CACNA1B: variants seen among roughly 807,000 people sequenced by gnomAD.
CACNA1B encodes voltage-dependent N-type calcium channel subunit alpha-1B.
Under a neutral mutation model 247.2 loss-of-function variants are expected in CACNA1B, and 70 were observed. The observed-to-expected ratio is 0.28, with a 90% CI of 0.23 to 0.35. CACNA1B has a LOEUF of 0.35. CACNA1B is among the 10% of genes least tolerant of loss of function. CACNA1B has a pLI of 1.00. For synonymous variants in CACNA1B, 1,231 were observed against 1,294.4 expected (o/e 0.95, Z 1.05); for missense variants, 2,367 against 3,197.4 (o/e 0.74, Z 6.26).
rs761796497 is a variant in CACNA1B at position 137,979,722 on chromosome 9, G to A, written c.1656+3703G>A. On this transcript the variant is annotated intron_variant, in intron 12 of 46. Coordinates refer to ENST00000371372, the MANE Select transcript of CACNA1B (RefSeq NM_000718.4). ...CATTACAGTATCAGCTCAAAATCCA[G>A]AATCTCATCCTCAGTTAGGTCCAGG... 3.9e-5 allele frequency among the ~76,000 whole-genome samples: 6 copies of A among 152,164 alleles called. No homozygotes were observed. In the East Asian group the frequency reaches 1.2e-3, roughly 29 times the overall value.
At chr9:137,994,796 C>G (rs1958476812) in intron 15 of CACNA1B, among the ~76,000 whole-genome samples, 2 of 152,188 alleles carry the variant, frequency 1.3e-5, no homozygotes, top group South Asian at 4.1e-4. Context: ...CAAAAGCAAT[C>G]TACAAATTCA....
At chr9:138,089,428 T>C (rs1960808364) in intron 36 of CACNA1B, among the ~76,000 whole-genome samples, 1 of 152,116 alleles carries the variant, frequency 6.6e-6, no homozygotes, top group African/African-American at 2.4e-5. Context: ...AACAATATTA[T>C]CATCTCAATA....
At chr9:137,948,878 G>GGT (rs925812197) in intron 6 of CACNA1B, among the ~76,000 whole-genome samples, 15 of 147,866 alleles carry the variant, frequency 1.0e-4, no homozygotes, top group Admixed American at 7.4e-4. Context: ...TAGTGTGTGT[G>GGT]GTGTGTGTGT....
rs1013660818 is a variant in CACNA1B, at chr9:137,919,684, G to C, written c.966+2253G>C. Among the ~76,000 whole-genome samples the C allele has an allele frequency of 2.0e-5, 3 of 152,240 alleles. No individual in the cohort carries two copies. The highest frequency in any genetic ancestry group is 7.2e-5 in the African/African-American group (3 of 41,472). ...AATGACATCTGGGTTCTTTGTGGGC[G>C]GAAGCCCACGGCCTGCAGTAGGGGT... is the stretch of plus-strand genomic sequence containing the variant. On this transcript the variant is annotated intron_variant, in intron 6 of 46. Transcript: ENST00000371372. The surrounding 1 kb of genome is among the most constrained non-coding windows in gnomAD (Gnocchi z 4.6).
Position 138,121,727 on chromosome 9 carries a change from C to T in CACNA1B, c.6748C>T (p.Pro2250Ser), listed in dbSNP as rs201272232. Residue 2250 changes from proline (P) to serine (S), a missense_variant, in exon 47 of 47, where the codon CCT becomes TCT. Pro to Ser is a moderately conservative substitution (Grantham distance 74). Around this residue, in one of 12 missense-constraint regions of CACNA1B, gnomAD observed 773 missense variants for 779.4 expected, o/e 0.99. Coordinates refer to ENST00000371372, the MANE Select transcript of CACNA1B (RefSeq NM_000718.4). The surrounding 1 kb of genome is among the most constrained non-coding windows in gnomAD (Gnocchi z 6.8). ...AGACCCCCTCAGCCAGCCCCTGGCCCCTGGCTCTCGAATTGGCTCTGACCC... is the reference window on the plus strand; with the variant it reads ...AGACCCCCTCAGCCAGCCCCTGGCCTCTGGCTCTCGAATTGGCTCTGACCC... ...QRDPLSQPLA[P>S]GSRIGSDPYL... 52 of 1,613,334 alleles carry T rather than the reference C, an allele frequency of 3.2e-5. No individual in the cohort carries two copies. Among genetic ancestry groups the T allele is most frequent in the Non-Finnish European group, 4.2e-5 (50 of 1,179,892 alleles).
chr9:138,113,651 T>G (rs1961743955), intron 40 of CACNA1B, among the ~76,000 whole-genome samples: 1 of 124,354 alleles, frequency 8.0e-6, no homozygotes. Flanking sequence ...CGCAGGAAGG[T>G]GCCCAACTCC....
At chr9:138,048,865 G>A (rs1959206918) in intron 23 of CACNA1B, among the ~76,000 whole-genome samples, 1 of 152,146 alleles carries the variant, frequency 6.6e-6, no homozygotes, top group South Asian at 2.1e-4. Context: ...TTACAGGTGT[G>A]CAACACCACA....
intron 6 of CACNA1B, among the ~76,000 whole-genome samples, chr9:137,927,052 CTG>C (rs1364154773): frequency 6.6e-6 from 1 of 152,106 alleles, no homozygotes; most frequent in Non-Finnish European, 1.5e-5. Context: ...TCTAGTTTGT[CTG>C]TTTTTTCTTT....
Position 138,010,018 on chromosome 9 carries a change from C to T in CACNA1B, c.2101C>T (p.Leu701=). Residue 701 remains leucine (L), a synonymous_variant, in exon 17 of 47, where the codon CTG becomes TTG. Transcript: ENST00000371372. The surrounding 1 kb of genome is among the most constrained non-coding windows in gnomAD (Gnocchi z 5.3). The part of the protein sequence containing the change: ...VLTLFGNYTL[L]NVFLAIAVDN... The stretch of plus-strand genomic sequence containing the variant: ...CAGCTGGACCCAACCAGACACTCTG[C>T]TGAATGTCTTTCTGGCCATCGCTGT... The T allele has an allele frequency of 6.2e-7, 1 of 1,613,566 alleles. No homozygotes were observed. The highest frequency in any genetic ancestry group is 8.5e-7 in the Non-Finnish European group (1 of 1,179,548).
rs952041778 is a variant in CACNA1B at position 138,007,777 on chromosome 9, G to A, written c.2092+893G>A. Among the ~76,000 whole-genome samples the A allele has an allele frequency of 6.6e-6, 1 of 152,166 alleles. No individual in the cohort carries two copies. The highest frequency in any genetic ancestry group is 1.5e-5 in the Non-Finnish European group (1 of 68,030). ...CACCCCACAGGGCCCCGAGGAGCTG[G>A]AGACAATGTCTCACAGTCGACCTCC... On this transcript the variant is annotated intron_variant, in intron 16 of 46. Coordinates refer to ENST00000371372, the MANE Select transcript of CACNA1B (RefSeq NM_000718.4). This position sits in a 1 kb window ranked among gnomAD's most constrained non-coding sequence, Gnocchi z 4.1.
intron 20 of CACNA1B, among the ~76,000 whole-genome samples, chr9:138,029,645 C>G (rs1479091768): frequency 1.5e-5 from 2 of 134,862 alleles, no homozygotes; most frequent in East Asian, 2.2e-4. Flanking sequence ...GGGTCTCGCT[C>G]TGTCGCCCAG....
In CACNA1B at chr9:138,014,112, C is replaced by T. The variant is rs941892712; in HGVS notation, c.2267+877C>T. On this transcript the variant is annotated intron_variant, in intron 18 of 46. Transcript: ENST00000371372. The surrounding 1 kb of genome is among the most constrained non-coding windows in gnomAD (Gnocchi z 6.2). ...GTGCATCTGTAGTGACGTGTGTCTG[C>T]ACTTCTGTGTAAGCATGTTGGCATG... Among the ~76,000 whole-genome samples, 1 of 152,236 alleles carries T rather than the reference C, an allele frequency of 6.6e-6. No homozygotes were observed. The highest frequency in any genetic ancestry group is 1.5e-5 in the Non-Finnish European group (1 of 68,044).
chr9:138,006,227 C>A (rs940262852), intron 15 of CACNA1B, among the ~76,000 whole-genome samples: 5 of 152,054 alleles, frequency 3.3e-5, no homozygotes, highest in Non-Finnish European at 7.4e-5. Flanking sequence ...ATTTTATTTT[C>A]TTGTATGTTT....
chr9:137,879,264 G>T, intron 2 of CACNA1B, 105 bp downstream of exon 2: 1 of 723,810 alleles, frequency 1.4e-6, no homozygotes, highest in Non-Finnish European at 2.3e-6. Flanking sequence ...GGGTCGTCTG[G>T]GCAGTGCCCC....
chr9:138,068,290 A>G (rs1959999588), intron 31 of CACNA1B, among the ~76,000 whole-genome samples: 1 of 152,186 alleles, frequency 6.6e-6, no homozygotes, highest in Non-Finnish European at 1.5e-5. Context: ...AGTGATGGTG[A>G]TGTGCCGTTC....
intron 3 of CACNA1B, chr9:137,892,234 TC>T: frequency 2.2e-6 from 1 of 456,780 alleles, no homozygotes; most frequent in Non-Finnish European, 4.4e-6. Flanking sequence ...AGCAGACATT[TC>T]CTTCTCAGTC....
intron 6 of CACNA1B, among the ~76,000 whole-genome samples, chr9:137,943,277 G>A (rs1049900157): frequency 6.6e-6 from 1 of 152,124 alleles, no homozygotes; most frequent in Non-Finnish European, 1.5e-5. Flanking sequence ...AGTTTCTGAT[G>A]TTTCCTGACA....
In CACNA1B at chr9:137,889,790, C is replaced by T. The variant is rs550657490; in HGVS notation, c.530+6907C>T. Reference sequence around the variant, plus strand: ...CTGCTCTGATAGGGTGGGATCCTGGCCCCCTCTTCAGCACACGCCCCTGGC... The same window carrying T: ...CTGCTCTGATAGGGTGGGATCCTGGTCCCCTCTTCAGCACACGCCCCTGGC... On this transcript the variant is annotated intron_variant, in intron 3 of 46. Coordinates refer to ENST00000371372, the MANE Select transcript of CACNA1B (RefSeq NM_000718.4). 1.1e-3 allele frequency among the ~76,000 whole-genome samples: 167 copies of T among 149,696 alleles called. 3 individuals are homozygous for T. Among genetic ancestry groups the T allele is most frequent in the African/African-American group, 3.7e-3 (152 of 41,374 alleles).
chr9:138,029,512 C>A (rs192433077), intron 20 of CACNA1B, among the ~76,000 whole-genome samples: 66 of 152,032 alleles, frequency 4.3e-4, no homozygotes, highest in African/African-American at 1.5e-3. Context: ...ACTTACATAG[C>A]CTTAAGAGTG....
Sources: gnomAD v4.1 joint callset for allele counts (sites outside exome capture counted in the v4.1 genomes callset) on GRCh38, gnomAD v4.1.1 for gene constraint, gnomAD v4.1.1 regional missense constraint, Gnocchi (gnomAD v3.1) non-coding constraint, MANE v1.5 for transcripts, NCBI Gene and HGNC (gene_info 2026-07-23, HGNC 2026-07-21) for gene names.